Variants in TUB observed in about 807,000 individuals in gnomAD.
TUB encodes the protein TUB bipartite transcription factor, also known as tubby protein homolog.
TUB carries 33 observed loss-of-function variants against 59.7 expected under a neutral mutation model. The ratio of observed to expected loss-of-function variants is 0.55; its 90% CI spans 0.42 to 0.74. TUB has a LOEUF of 0.74. TUB is among the 30% of genes least tolerant of loss of function. TUB has a pLI of 0.00. For synonymous variants in TUB, 293 were observed against 256.4 expected (o/e 1.14, Z -1.36); for missense variants, 659 against 672.0 (o/e 0.98, Z 0.21).
chr11:8,059,567 G>A (rs1226593314), intron 2 of TUB, among the ~76,000 whole-genome samples: 1 of 152,132 alleles, frequency 6.6e-6, no homozygotes, highest in Non-Finnish European at 1.5e-5. Context: ...GAAAAGCCTT[G>A]ATCTGAGGAG....
chr11:8,020,558 C>A (rs1942409388), intron 1 of TUB, among the ~76,000 whole-genome samples: 1 of 152,230 alleles, frequency 6.6e-6, no homozygotes, highest in African/African-American at 2.4e-5. Context: ...ACTTATTCAC[C>A]TGTGTCTTGT....
At chr11:8,101,374 T>C in intron 11 of TUB, 112 bp from the exon 12 acceptor site, 3 of 1,372,708 alleles carry the variant, frequency 2.2e-6, no homozygotes, top group Non-Finnish European at 1.0e-6. Context: ...CCCTGGCATC[T>C]CTGCTTCTCA....
chr11:8,089,006 C>G (rs981975798), intron 1 of TUB, among the ~76,000 whole-genome samples: 10 of 152,218 alleles, frequency 6.6e-5, no homozygotes, highest in Non-Finnish European at 1.5e-4. Flanking sequence ...TGGTTGGTCT[C>G]TTAGCTTCAT....
chr11:8,100,697 G>T, intron 10 of TUB, 96 bp downstream of exon 10: 1 of 1,515,444 alleles, frequency 6.6e-7, no homozygotes. Context: ...GTATGTGGAG[G>T]GGTACCATGT....
At chr11:8,080,176 C>G (rs1025985883), upstream of TUB, among the ~76,000 whole-genome samples, 1 of 152,192 alleles carries the variant, frequency 6.6e-6, no homozygotes, top group African/African-American at 2.4e-5. Flanking sequence ...ATCAGAAGAT[C>G]CCCGCACAAC....
At position 8,097,816 on chromosome 11, in the gene TUB, G is replaced by A. The variant is rs1382920374; in HGVS notation, c.988G>A (p.Gly330Arg). Residue 330 changes from glycine (G) to arginine (R), a missense_variant, in exon 8 of 12, where the codon GGG (glycine) becomes AGG (arginine). Gly to Arg is a moderately radical substitution (Grantham distance 125). This residue lies in a region of TUB where 112 missense variants were observed against 156.9 expected (regional missense o/e 0.71). Transcript: ENST00000299506. ...GTCTCGAGGAGGGGACAGCTATATC[G>A]GGAAACTGCGGTACTAGCATTCCCC... ...DLSRGGDSYI[G>R]KLRSNLMGTK... 1.2e-6 allele frequency: 2 copies of A among 1,613,274 alleles called. No homozygotes were observed. Among genetic ancestry groups the A allele is most frequent in the Non-Finnish European group, 1.7e-6 (2 of 1,179,586 alleles).
rs755336091 is a variant in TUB, at chr11:8,101,657, G to A, written c.*38G>A. 3.1e-6 allele frequency: 5 copies of A among 1,609,048 alleles called. No homozygotes were observed. The highest frequency in any genetic ancestry group is 4.2e-6 in the Non-Finnish European group (5 of 1,177,772). ...GCCCTTTGGGGTTGCCCAGCCTGGAGCGGAGCTTGCCTGCCTGCCTGTGGA... is the reference window on the plus strand; with the variant it reads ...GCCCTTTGGGGTTGCCCAGCCTGGAACGGAGCTTGCCTGCCTGCCTGTGGA... On this transcript the variant is annotated 3_prime_UTR_variant, in exon 12 of 12. Coordinates refer to ENST00000299506, the MANE Select transcript of TUB (RefSeq NM_177972.3).
At chr11:8,092,034 T>C (rs1943792844) in intron 3 of TUB, among the ~76,000 whole-genome samples, 1 of 152,230 alleles carries the variant, frequency 6.6e-6, no homozygotes. Flanking sequence ...TGAGAGGTCA[T>C]TGACGTGCAG....
intron 2 of TUB, among the ~76,000 whole-genome samples, chr11:8,063,932 G>A (rs1476074115): frequency 6.6e-6 from 1 of 152,030 alleles, no homozygotes; most frequent in African/African-American, 2.4e-5. Flanking sequence ...GAGTGGTGTG[G>A]CGAGTTGTTT....
chr11:8,090,871 TG>T (rs1424500992), intron 3 of TUB, among the ~76,000 whole-genome samples: 2 of 151,954 alleles, frequency 1.3e-5, no homozygotes, highest in East Asian at 3.9e-4. Flanking sequence ...CCCTCCTTCC[TG>T]CTTGGGTTAG....
chr11:8,073,541 A>T (rs1415629250), intron 2 of TUB, among the ~76,000 whole-genome samples: 1 of 152,202 alleles, frequency 6.6e-6, no homozygotes, highest in African/African-American at 2.4e-5. Context: ...CTCTTGTTTG[A>T]CAAAGGAGAG....
rs60850377 is a variant in TUB at position 8,102,913 on chromosome 11, TG to T, written c.*1299del. ...CAAGAAACTAGTATCTCTGGCCTCC[TG>T]GGGGCCCATTCTGCATGCCCTCCCC... is the stretch of plus-strand genomic sequence containing the variant. On this transcript the variant is annotated 3_prime_UTR_variant, in exon 12 of 12. Coordinates refer to ENST00000299506, the MANE Select transcript of TUB (RefSeq NM_177972.3). 0.97 allele frequency: 148,337 copies of T among 152,276 alleles called. 72,355 individuals are homozygous for T. Among genetic ancestry groups the T allele is most frequent in the East Asian group, 1 (5,173 of 5,174 alleles). The allele number at this position is 152,276 out of a possible 1,614,324, so 9.4% of individuals were successfully genotyped here. A position where few individuals can be genotyped will look rare whatever the true frequency, so the allele number is the denominator to read the frequency against.
chr11:8,029,002 A>G (rs1428323638), intron 1 of TUB, among the ~76,000 whole-genome samples: 1 of 152,208 alleles, frequency 6.6e-6, no homozygotes, highest in Non-Finnish European at 1.5e-5. Flanking sequence ...ACAGACCAAG[A>G]CCTGTCTCAA....
chr11:8,052,493 G>A (rs1173069146), intron 2 of TUB, among the ~76,000 whole-genome samples: 2 of 139,890 alleles, frequency 1.4e-5, no homozygotes, highest in African/African-American at 5.4e-5. Context: ...TTTTTGAGAC[G>A]GAGTCTCGCT....
intron 2 of TUB, among the ~76,000 whole-genome samples, chr11:8,070,305 T>TG (rs1199330004): frequency 2.6e-5 from 4 of 152,122 alleles, no homozygotes; most frequent in Admixed American, 2.6e-4. Flanking sequence ...AAATCTCAGT[T>TG]GCATTTTATA....
chr11:8,098,274 T>C (rs1589985361), intron 8 of TUB, among the ~76,000 whole-genome samples: 1 of 150,934 alleles, frequency 6.6e-6, no homozygotes, highest in East Asian at 1.9e-4. Context: ...AGTGGGGAGG[T>C]AGGGTTTGCT....
chr11:8,086,881 A>C (rs1414413968), intron 1 of TUB, among the ~76,000 whole-genome samples: 3 of 152,242 alleles, frequency 2.0e-5, no homozygotes, highest in East Asian at 3.9e-4. Flanking sequence ...CCTTGTGTTC[A>C]TCCATATTTC....
chr11:8,046,815 G>C (rs1477121730), intron 2 of TUB, among the ~76,000 whole-genome samples: 1 of 152,186 alleles, frequency 6.6e-6, no homozygotes, highest in Non-Finnish European at 1.5e-5. Flanking sequence ...CTCTGAAGCA[G>C]GGCTGTCCAA....
intron 2 of TUB, among the ~76,000 whole-genome samples, chr11:8,074,427 A>G (rs113813287): frequency 6.6e-5 from 10 of 152,212 alleles, no homozygotes; most frequent in African/African-American, 2.4e-4. Context: ...TGATAAATCC[A>G]TTACTTTGTC....
Sources: gnomAD v4.1 joint callset for allele counts (sites outside exome capture counted in the v4.1 genomes callset) on GRCh38, gnomAD v4.1.1 for gene constraint, gnomAD v4.1.1 regional missense constraint, MANE v1.5 for transcripts, NCBI Gene and HGNC (gene_info 2026-07-23, HGNC 2026-07-21) for gene names.